Variants in MTMR7 observed in about 807,000 individuals in gnomAD.
The protein encoded by MTMR7 is myotubularin related protein 7, also known as phosphatidylinositol-3-phosphate phosphatase MTMR7.
In MTMR7, 76 loss-of-function variants were observed where a neutral mutation model predicts 81.2. That is an observed-to-expected ratio of 0.94 (90% CI 0.78 to 1.13). The LOEUF is 1.13. MTMR7 is among the 50% of genes most tolerant of loss of function. MTMR7 has a pLI of 0.00. For synonymous variants in MTMR7, 372 were observed against 289.8 expected, an observed-to-expected ratio of 1.28 and a Z score of -2.88; for missense variants, 1,044 against 820.0, an observed-to-expected ratio of 1.27 and a Z score of -3.34.
intron 2 of MTMR7, among the ~76,000 whole-genome samples, chr8:17,371,793 T>C (rs771319232): frequency 1.1e-4 from 17 of 151,928 alleles, no homozygotes; most frequent in Non-Finnish European, 2.1e-4. Context: ...CTGTGATATA[T>C]GTACATCATA....
intron 10 of MTMR7, among the ~76,000 whole-genome samples, chr8:17,306,883 T>C (rs978550826): frequency 6.6e-6 from 1 of 151,690 alleles, no homozygotes; most frequent in Non-Finnish European, 1.5e-5. Flanking sequence ...ATACAAAAAT[T>C]AATTCAAGAT....
chr8:17,335,192 G>C (rs885891), intron 6 of MTMR7, among the ~76,000 whole-genome samples: 21,340 of 152,180 alleles, frequency 0.14, 1,976 homozygotes, highest in Non-Finnish European at 0.21. Context: ...CCTCAGCGCT[G>C]ACAGAGAGGA....
At chr8:17,370,810 T>C (rs944293559) in intron 3 of MTMR7, among the ~76,000 whole-genome samples, 1 of 152,040 alleles carries the variant, frequency 6.6e-6, no homozygotes, top group African/African-American at 2.4e-5. Flanking sequence ...ATTAAGTTAA[T>C]ACTAAGATTC....
chr8:17,384,864 T>A (rs1340129022), intron 1 of MTMR7, among the ~76,000 whole-genome samples: 1 of 152,238 alleles, frequency 6.6e-6, no homozygotes, highest in African/African-American at 2.4e-5. Context: ...TGAAAGTCTT[T>A]TCCCAGGACT....
At chr8:17,334,998 T>G (rs1182801172) in intron 6 of MTMR7, among the ~76,000 whole-genome samples, 1 of 152,118 alleles carries the variant, frequency 6.6e-6, no homozygotes, top group East Asian at 1.9e-4. Flanking sequence ...GAGGGAAGGC[T>G]AGAAAGCACT....
rs111231710 is a variant in MTMR7 at position 17,339,359 on chromosome 8, T to C, written c.732+2004A>G. On this transcript the variant is annotated intron_variant, in intron 6 of 13. Coordinates refer to ENST00000180173, the MANE Select transcript of MTMR7 (RefSeq NM_004686.5). ...CCACAGAGTTGTGCAACCATCACCA[T>C]GATCTCATTTTAGAATATTTCCATC... Among the ~76,000 whole-genome samples, 63 of 152,308 alleles carry C rather than the reference T, an allele frequency of 4.1e-4. 2 individuals carry two copies. Among genetic ancestry groups the C allele is most frequent in the African/African-American group, 1.5e-3 (62 of 41,564 alleles).
intron 7 of MTMR7, among the ~76,000 whole-genome samples, chr8:17,322,460 T>C (rs920463967): frequency 5.3e-5 from 8 of 152,212 alleles, no homozygotes; most frequent in Admixed American, 6.5e-5. Context: ...TGTACTATCC[T>C]AGGTTTAACA....
chr8:17,349,397 T>C (rs1225196058), intron 4 of MTMR7: 1 of 209,024 alleles, frequency 4.8e-6, no homozygotes, highest in Admixed American at 5.1e-5. Flanking sequence ...CAAACTGCCA[T>C]TTTGCACCCT....
At chr8:17,319,003 G>C (rs1228552840) in intron 7 of MTMR7, among the ~76,000 whole-genome samples, 1 of 152,204 alleles carries the variant, frequency 6.6e-6, no homozygotes, top group Non-Finnish European at 1.5e-5. Flanking sequence ...TTAACAGCAG[G>C]GATTTCACAT....
intron 7 of MTMR7, among the ~76,000 whole-genome samples, chr8:17,328,567 C>G (rs2157636): frequency 5.6e-5 from 8 of 144,124 alleles, no homozygotes; most frequent in East Asian, 2.0e-4. Flanking sequence ...GGCCTGTTGG[C>G]GGGGGTGGGG....
intron 7 of MTMR7, among the ~76,000 whole-genome samples, chr8:17,328,094 G>A (rs938953822): frequency 6.6e-6 from 1 of 152,172 alleles, no homozygotes; most frequent in African/African-American, 2.4e-5. Context: ...AAGGTAGGCA[G>A]GCACAAAGCT....
chr8:17,337,087 C>T (rs2150537858), intron 6 of MTMR7, among the ~76,000 whole-genome samples: 1 of 152,178 alleles, frequency 6.6e-6, no homozygotes, highest in South Asian at 2.1e-4. Context: ...GAGAAAGTAC[C>T]TTGGCTGGGC....
chr8:17,361,984 G>C lies in MTMR7; in HGVS notation c.311-710C>G, dbSNP rs116291992. Among the ~76,000 whole-genome samples the C allele has an allele frequency of 5.4e-3, 816 of 152,156 alleles. 5 individuals carry two copies. Among genetic ancestry groups the C allele is most frequent in the African/African-American group, 0.019 (781 of 41,506 alleles). ...TCTTTATATACTGCCTTTGATGCTT[G>C]TGAAGCCCAATAGCCCCACTGTTTC... is the stretch of plus-strand genomic sequence containing the variant. On this transcript the variant is annotated intron_variant, in intron 3 of 13. Transcript: ENST00000180173.
Position 17,359,759 on chromosome 8 carries a change from G to A in MTMR7, c.468+1358C>T, listed in dbSNP as rs1308786347. ...AGATATGAAGATTAAATTAAAATAA[G>A]AAATCACTCATTATACCATCAAGGT... On this transcript the variant is annotated intron_variant, in intron 4 of 13. Coordinates refer to ENST00000180173, the MANE Select transcript of MTMR7 (RefSeq NM_004686.5). 1.3e-5 allele frequency among the ~76,000 whole-genome samples: 2 copies of A among 151,956 alleles called. 1 individual carries two copies. Among genetic ancestry groups the A allele is most frequent in the Admixed American group, 1.3e-4 (2 of 15,252 alleles).
chr8:17,396,922 C>T (rs896659730), intron 1 of MTMR7, among the ~76,000 whole-genome samples: 4 of 151,892 alleles, frequency 2.6e-5, no homozygotes, highest in Admixed American at 2.6e-4. Flanking sequence ...AGTTGTGAGG[C>T]CCCCATTCCA....
chr8:17,406,950 G>T (rs780704464), intron 1 of MTMR7, among the ~76,000 whole-genome samples: 13 of 152,228 alleles, frequency 8.5e-5, no homozygotes, highest in Non-Finnish European at 1.2e-4. Flanking sequence ...GTTACCTTGG[G>T]TGGGGTGAGG....
At chr8:17,360,976 C>G (rs949868829) in intron 4 of MTMR7, 141 bp downstream of exon 4, 1 of 923,596 alleles carries the variant, frequency 1.1e-6, no homozygotes, top group Non-Finnish European at 1.6e-6. Flanking sequence ...ACAGCTGGCA[C>G]TAACCAAGAG....
chr8:17,371,719 T>C (rs888499493), intron 2 of MTMR7, among the ~76,000 whole-genome samples: 6 of 152,170 alleles, frequency 3.9e-5, no homozygotes, highest in African/African-American at 1.2e-4. Flanking sequence ...TATCTTTTTA[T>C]TTTTTAAATT....
intron 5 of MTMR7, among the ~76,000 whole-genome samples, chr8:17,342,787 G>A (rs1049641283): frequency 1.4e-4 from 22 of 152,236 alleles, no homozygotes; most frequent in African/African-American, 4.6e-4. Context: ...AGGTGTGGGC[G>A]TGGGAAGCAA....
Sources: allele counts gnomAD v4.1 joint callset (sites outside exome capture counted in the v4.1 genomes callset), GRCh38; gene constraint gnomAD v4.1.1; transcripts MANE v1.5; gene names NCBI Gene and HGNC (gene_info 2026-07-23, HGNC 2026-07-21).